Variants in PREP observed in about 807,000 individuals in gnomAD.
The protein encoded by PREP is dJ355L5.1 (prolyl endopeptidase).
PREP carries 29 observed loss-of-function variants against 87.6 expected under a neutral mutation model. The observed-to-expected ratio is 0.33, with a 90% confidence interval of 0.25 to 0.45. The LOEUF (loss-of-function observed/expected upper bound fraction) is 0.45, where lower values mean the gene tolerates loss of function less well. PREP is among the 20% of genes least tolerant of loss of function. The pLI, the probability that PREP is intolerant of heterozygous loss-of-function variation, is 1.00. For missense variants in PREP, 695 were observed against 886.5 expected (o/e 0.78, Z 2.74); for synonymous variants, 337 against 328.6 (o/e 1.03, Z -0.28).
intron 6 of PREP, among the ~76,000 whole-genome samples, chr6:105,366,472 A>G (rs1050492019): frequency 2.0e-5 from 3 of 152,222 alleles, no homozygotes; most frequent in African/African-American, 7.2e-5. Flanking sequence ...AGACTGTAGT[A>G]AAGATTATAT....
intron 10 of PREP, among the ~76,000 whole-genome samples, chr6:105,291,014 G>T (rs560551451): frequency 6.6e-6 from 1 of 152,204 alleles, no homozygotes; most frequent in African/African-American, 2.4e-5. Context: ...AAATTTTTTG[G>T]CTTCCCAGTG....
At chr6:105,384,925 A>C (rs1647559952) in intron 2 of PREP, among the ~76,000 whole-genome samples, 1 of 152,234 alleles carries the variant, frequency 6.6e-6, no homozygotes, top group Non-Finnish European at 1.5e-5. Flanking sequence ...AAAGGCACTT[A>C]TACCCTGAAC....
In PREP at chr6:105,278,550, G is replaced by T; in HGVS notation, c.1839-112C>A. On this transcript the variant is annotated intron_variant, in intron 14 of 14. Transcript: ENST00000652536. The surrounding 1 kb of genome is among the most constrained non-coding windows in gnomAD (Gnocchi z 4.2). ...GACTGCAGTTAACTAGTACGTGAGT[G>T]ACCACCATGGACTGTGCCTATGCGT... is the stretch of plus-strand genomic sequence containing the variant. The T allele has an allele frequency of 9.2e-7, 1 of 1,081,942 alleles. No homozygotes were observed. Among genetic ancestry groups the T allele is most frequent in the Non-Finnish European group, 1.3e-6 (1 of 757,156 alleles). The allele number at this position is 1,081,942 out of a possible 1,614,324, so 67.0% of individuals were successfully genotyped here.
At position 105,276,528 on chromosome 6, in the gene PREP, T is replaced by C. The variant is rs116937359; in HGVS notation, c.*1616A>G. 8.5e-3 allele frequency among the ~76,000 whole-genome samples: 1,296 copies of C among 152,338 alleles called. 48 individuals are homozygous for C. In the East Asian group the frequency reaches 0.11, roughly 13 times the overall value. Reference sequence around the variant, plus strand: ...ATGCAAATGTATTTTCTTTCTTTCCTGCCATGCTGGTCAGCAGTTACACCA... The same window carrying C: ...ATGCAAATGTATTTTCTTTCTTTCCCGCCATGCTGGTCAGCAGTTACACCA... On this transcript the variant is annotated 3_prime_UTR_variant, in exon 15 of 15. Transcript: ENST00000652536.
Position 105,278,045 on chromosome 6 carries a change from G to T in PREP, c.*99C>A. On this transcript the variant is annotated 3_prime_UTR_variant, in exon 15 of 15. Coordinates refer to ENST00000652536, the MANE Select transcript of PREP (RefSeq NM_002726.5). This position sits in a 1 kb window ranked among gnomAD's most constrained non-coding sequence, Gnocchi z 4.2. The stretch of plus-strand genomic sequence containing the variant: ...TGTAGCCTGTGAGTGCAGGAATAAT[G>T]TTCCCGTGGGGAAGCATTATGCCCA... 7.0e-7 allele frequency: 1 copy of T among 1,428,620 alleles called. No homozygotes were observed. The highest frequency in any genetic ancestry group is 9.6e-7 in the Non-Finnish European group (1 of 1,045,894). The allele number at this position is 1,428,620 out of a possible 1,614,324, so 88.5% of individuals were successfully genotyped here. A position where few individuals can be genotyped will look rare whatever the true frequency, so the allele number is the denominator to read the frequency against.
chr6:105,328,874 T>C lies in PREP; in HGVS notation c.1168A>G (p.Lys390Glu), dbSNP rs780058430. The C allele has an allele frequency of 4.9e-5, 79 of 1,614,192 alleles. No individual in the cohort carries two copies. The East Asian group carries it at 1.7e-3, about 35-fold the overall frequency. Residue 390 changes from lysine (K) to glutamate (E), a missense_variant, in exon 9 of 15, where the codon AAG becomes GAG. Transcript: ENST00000652536. ...AACTGATAGAAGATTTCAGTGTCCT[T>C]CTTCTGACCGCTGTACCCTACAATG... Reference protein sequence around the residue: ...GSIVGYSGQKKDTEIFYQFTS... With the variant: ...GSIVGYSGQKEDTEIFYQFTS...
At chr6:105,323,634 T>G in intron 10 of PREP, 31 bp downstream of exon 10, 2 of 1,557,676 alleles carry the variant, frequency 1.3e-6, no homozygotes, top group East Asian at 2.2e-5. Flanking sequence ...ACTTCCTAAC[T>G]CTCACATTAA....
chr6:105,319,306 T>C (rs1770947067), intron 10 of PREP, among the ~76,000 whole-genome samples: 1 of 152,254 alleles, frequency 6.6e-6, no homozygotes, highest in Admixed American at 6.5e-5. Context: ...TCTTAAAATA[T>C]GAGTACTTGG....
Position 105,278,867 on chromosome 6 carries a change from G to A in PREP, c.1839-429C>T, listed in dbSNP as rs1476584377. Reference sequence around the variant, plus strand: ...TGAAATCCACAGTATAAAGGGGCTTGCTGCCCCTTTAATAACATCTATAAA... The same window carrying A: ...TGAAATCCACAGTATAAAGGGGCTTACTGCCCCTTTAATAACATCTATAAA... On this transcript the variant is annotated intron_variant, in intron 14 of 14. Transcript: ENST00000652536. The surrounding 1 kb of genome is among the most constrained non-coding windows in gnomAD (Gnocchi z 4.2). The A allele has an allele frequency of 6.4e-6, 1 of 157,316 alleles. No homozygotes were observed. Among genetic ancestry groups the A allele is most frequent in the Non-Finnish European group, 1.4e-5 (1 of 71,326 alleles). 9.7% of individuals were successfully genotyped at this position (157,316 alleles called of 1,614,324 possible).
At chr6:105,356,986 T>G (rs947714002) in intron 6 of PREP, among the ~76,000 whole-genome samples, 1 of 152,226 alleles carries the variant, frequency 6.6e-6, no homozygotes, top group African/African-American at 2.4e-5. Flanking sequence ...TTTATTTATC[T>G]TGCTTTCCCC....
At chr6:105,322,427 G>T in intron 10 of PREP, 6 of 981,666 alleles carry the variant, frequency 6.1e-6, no homozygotes, top group Non-Finnish European at 7.3e-6. Context: ...GTGGCAGAAA[G>T]GTTAAATGAC....
At chr6:105,348,915 C>T (rs1451869911) in intron 7 of PREP, among the ~76,000 whole-genome samples, 1 of 151,896 alleles carries the variant, frequency 6.6e-6, no homozygotes, top group East Asian at 1.9e-4. Context: ...GCCTGGTAGC[C>T]CCTGACAGGG....
chr6:105,274,356 G>A lies in PREP; in HGVS notation c.*3788C>T, dbSNP rs766643408. On this transcript the variant is annotated 3_prime_UTR_variant, in exon 15 of 15. Coordinates refer to ENST00000652536, the MANE Select transcript of PREP (RefSeq NM_002726.5). ...CACCAGTCCCATTCATGAGGATTCC[G>A]CTCTCATGACCCATCGCCTCCTGAA... Among the ~76,000 whole-genome samples the A allele has an allele frequency of 1.8e-4, 27 of 152,134 alleles. No homozygotes were observed. The highest frequency in any genetic ancestry group is 3.1e-4 in the Non-Finnish European group (21 of 68,026).
chr6:105,296,613 C>A (rs1426737989), intron 10 of PREP, among the ~76,000 whole-genome samples: 1 of 152,172 alleles, frequency 6.6e-6, no homozygotes, highest in East Asian at 1.9e-4. Context: ...AACTATTATA[C>A]ACCATTTATT....
intron 5 of PREP, among the ~76,000 whole-genome samples, chr6:105,371,251 T>A (rs1253741818): frequency 1.3e-5 from 2 of 152,266 alleles, no homozygotes; most frequent in African/African-American, 4.8e-5. Flanking sequence ...ACGCCTATAA[T>A]CCCAGCACTT....
At chr6:105,314,891 A>G (rs1770829305) in intron 10 of PREP, among the ~76,000 whole-genome samples, 1 of 152,192 alleles carries the variant, frequency 6.6e-6, no homozygotes, top group East Asian at 1.9e-4. Context: ...AATGTAGTCA[A>G]AATTACTCCT....
chr6:105,353,108 C>G, intron 6 of PREP, 31 bp from the exon 7 acceptor site: 1 of 1,491,582 alleles, frequency 6.7e-7, no homozygotes, highest in Non-Finnish European at 9.3e-7. Context: ...GTGCAGGGGA[C>G]TAATTAGAAT....
intron 12 of PREP, among the ~76,000 whole-genome samples, chr6:105,285,104 A>G (rs1770162781): frequency 2.0e-5 from 3 of 152,224 alleles, no homozygotes; most frequent in Admixed American, 1.3e-4. Flanking sequence ...TTCTGTTTCA[A>G]GACAGTCAAC....
intron 7 of PREP, among the ~76,000 whole-genome samples, chr6:105,351,850 T>C (rs2114682480): frequency 6.6e-6 from 1 of 152,328 alleles, no homozygotes; most frequent in South Asian, 2.1e-4. Flanking sequence ...CCAAGATGGA[T>C]GTATCTCTTT....
Sources: allele counts gnomAD v4.1 joint callset (sites outside exome capture counted in the v4.1 genomes callset), GRCh38; gene constraint gnomAD v4.1.1; non-coding constraint Gnocchi (gnomAD v3.1); transcripts MANE v1.5; gene names NCBI Gene and HGNC (gene_info 2026-07-23, HGNC 2026-07-21).